The following PDE1A variants were observed in gnomAD, a reference collection of about 807,000 sequenced individuals.
The protein encoded by PDE1A is dual specificity calcium/calmodulin-dependent 3',5'-cyclic nucleotide phosphodiesterase 1A.
A neutral mutation model predicts 61.7 loss-of-function variants in PDE1A; 35 were observed. The ratio of observed to expected loss-of-function variants is 0.57; its 90% confidence interval spans 0.43 to 0.75. The LOEUF (loss-of-function observed/expected upper bound fraction) is 0.75, where lower values mean the gene tolerates loss of function less well. Ranked by LOEUF, PDE1A falls within the 30% of genes least tolerant of loss-of-function variation. The pLI is 0.00. For synonymous variants in PDE1A, 232 were observed against 213.2 expected (o/e 1.09, Z -0.77); for missense variants, 597 against 630.6 (o/e 0.95, Z 0.57).
the PDE1A span, among the ~76,000 whole-genome samples, chr2:182,689,998 A>G: frequency 1.3e-5 from 2 of 152,214 alleles, no homozygotes; most frequent in Non-Finnish European, 2.9e-5. Context: ...AGAATCTCGT[A>G]ATAGACCAAT....
intron 2 of PDE1A, among the ~76,000 whole-genome samples, chr2:182,497,825 G>C (rs902586479): frequency 2.0e-5 from 3 of 151,770 alleles, no homozygotes; most frequent in African/African-American, 7.3e-5. Context: ...GGCGGATCAC[G>C]AGGTCAGGAA....
At chr2:182,451,562 A>C (rs1685522680) in intron 2 of PDE1A, among the ~76,000 whole-genome samples, 1 of 152,102 alleles carries the variant, frequency 6.6e-6, no homozygotes, top group African/African-American at 2.4e-5. Context: ...CTTTTTTAAA[A>C]TGTTAATTTT....
chr2:182,143,472 A>T (rs1328522359), downstream of PDE1A, among the ~76,000 whole-genome samples: 1 of 152,028 alleles, frequency 6.6e-6, no homozygotes, highest in African/African-American at 2.4e-5. Context: ...GTCAAAAATA[A>T]GGGCTTTCTT....
At chr2:182,176,359 C>T (rs1285976969) in intron 13 of PDE1A, among the ~76,000 whole-genome samples, 1 of 149,232 alleles carries the variant, frequency 6.7e-6, no homozygotes, top group Non-Finnish European at 1.5e-5. Context: ...CTTTTATTTC[C>T]TTGAGCAGTG....
chr2:182,205,991 A>G lies in PDE1A; in HGVS notation c.851T>C (p.Met284Thr), dbSNP rs149964663. ...CAAGATATTCATTTCTTCTTCTTGC[A>G]TAAGTCGATAAGCTGCACTCACGTG... Residue 284 changes from methionine to threonine, a missense_variant, in exon 8 of 14, where the codon ATG (methionine) becomes ACG (threonine). Coordinates refer to ENST00000351439, the Ensembl canonical transcript of PDE1A. The G allele has an allele frequency of 2.3e-5, 37 of 1,611,948 alleles. No homozygotes were observed. In the African/African-American group the frequency reaches 3.2e-4, roughly 14 times the overall value.
chr2:182,516,030 G>T (rs1690127952), intron 2 of PDE1A, among the ~76,000 whole-genome samples: 1 of 150,042 alleles, frequency 6.7e-6, no homozygotes. Flanking sequence ...TGGTCATGTT[G>T]ATGTGTTCTT....
intron 2 of PDE1A, among the ~76,000 whole-genome samples, chr2:182,473,299 G>T (rs574247894): frequency 6.6e-6 from 1 of 151,992 alleles, no homozygotes; most frequent in African/African-American, 2.4e-5. Flanking sequence ...CAACTAAAGA[G>T]CTTCTGCACA....
At chr2:182,470,866 C>G (rs1021168428) in intron 2 of PDE1A, among the ~76,000 whole-genome samples, 3 of 151,802 alleles carry the variant, frequency 2.0e-5, no homozygotes, top group African/African-American at 7.2e-5. Flanking sequence ...TGGGAGATGA[C>G]ATTTGACTTC....
chr2:182,326,763 T>C (rs1697072843), intron 1 of PDE1A, among the ~76,000 whole-genome samples: 1 of 152,182 alleles, frequency 6.6e-6, no homozygotes, highest in Non-Finnish European at 1.5e-5. Flanking sequence ...TCCCTGCAGT[T>C]ACTTGGTAAG....
intron 2 of PDE1A, among the ~76,000 whole-genome samples, chr2:182,451,752 C>T (rs1559476092): frequency 6.6e-6 from 1 of 152,114 alleles, no homozygotes; most frequent in Non-Finnish European, 1.5e-5. Flanking sequence ...ACTGAGGATG[C>T]TCAGAGTTGT....
intron 2 of PDE1A, among the ~76,000 whole-genome samples, chr2:182,489,103 G>A (rs1291397054): frequency 6.6e-6 from 1 of 150,808 alleles, no homozygotes; most frequent in African/African-American, 2.5e-5. Context: ...TTTTCTGAGA[G>A]ACGACATTTG....
chr2:182,331,291 T>C (rs913786313), intron 1 of PDE1A, among the ~76,000 whole-genome samples: 3 of 152,242 alleles, frequency 2.0e-5, no homozygotes, highest in African/African-American at 7.2e-5. Context: ...CTATAAGTCT[T>C]GACTCTTTAT....
chr2:182,673,318 A>G, the PDE1A span, among the ~76,000 whole-genome samples: 1 of 152,196 alleles, frequency 6.6e-6, no homozygotes, highest in Non-Finnish European at 1.5e-5. Context: ...AATTAATCAA[A>G]ATAAATGTGT....
the PDE1A span, among the ~76,000 whole-genome samples, chr2:182,668,215 G>A: frequency 6.6e-6 from 1 of 152,082 alleles, no homozygotes; most frequent in African/African-American, 2.4e-5. Flanking sequence ...GATTCCCAAG[G>A]GCTCAGAGAC....
intron 1 of PDE1A, among the ~76,000 whole-genome samples, chr2:182,370,824 G>A (rs1315614788): frequency 3.3e-5 from 5 of 152,166 alleles, no homozygotes; most frequent in Admixed American, 3.3e-4. Context: ...TGGGATTGCA[G>A]GAGATTAGGA....
the PDE1A span, among the ~76,000 whole-genome samples, chr2:182,659,284 G>T: frequency 1.8e-4 from 27 of 152,240 alleles, 1 homozygote; most frequent in South Asian, 3.9e-3. Context: ...AAGTGTGAAA[G>T]GCTGAGAAAT....
chr2:182,307,094 T>G (rs1169306723), intron 1 of PDE1A, among the ~76,000 whole-genome samples: 1 of 152,076 alleles, frequency 6.6e-6, no homozygotes, highest in Non-Finnish European at 1.5e-5. Context: ...ATTAAACAAC[T>G]CAATAGCAAG....
At chr2:182,321,336 C>A (rs922302661) in intron 1 of PDE1A, among the ~76,000 whole-genome samples, 4 of 152,106 alleles carry the variant, frequency 2.6e-5, no homozygotes, top group African/African-American at 9.7e-5. Flanking sequence ...CATGGTGTTT[C>A]ATTTTTAATA....
chr2:182,248,121 G>A (rs892446724), intron 2 of PDE1A, among the ~76,000 whole-genome samples: 9 of 151,934 alleles, frequency 5.9e-5, no homozygotes, highest in Non-Finnish European at 1.2e-4. Flanking sequence ...GCTGGGTGTG[G>A]TGGTGCATGC....
Sources: gnomAD v4.1 joint callset for allele counts (sites outside exome capture counted in the v4.1 genomes callset) on GRCh38, gnomAD v4.1.1 for gene constraint, MANE v1.5 for transcripts, NCBI Gene and HGNC (gene_info 2026-07-23, HGNC 2026-07-21) for gene names.